WWC1: variants seen among roughly 807,000 people sequenced by gnomAD.
WWC1 encodes the protein WW and C2 domain containing 1, also known as protein KIBRA.
WWC1 carries 55 observed loss-of-function variants against 138.4 expected under a neutral mutation model. That is an observed-to-expected ratio of 0.40 (90% confidence interval 0.32 to 0.50). The LOEUF (loss-of-function observed/expected upper bound fraction) is 0.50, where lower values mean the gene tolerates loss of function less well. WWC1 is among the 20% of genes least tolerant of loss of function. The probability of loss-of-function intolerance (pLI) is 0.72; values close to 1 mark genes in which losing one functional copy is unlikely to be tolerated. For missense variants in WWC1, 1,226 were observed against 1,420.4 expected (o/e 0.86, Z 2.20); for synonymous variants, 524 against 564.9 (o/e 0.93, Z 1.03).
At chr5:168,461,911 C>T (rs1030282360) in intron 20 of WWC1, among the ~76,000 whole-genome samples, 8 of 152,030 alleles carry the variant, frequency 5.3e-5, no homozygotes, top group Non-Finnish European at 1.0e-4. Context: ...ACAAAATTAG[C>T]TGGGCGTGGT....
intron 17 of WWC1, among the ~76,000 whole-genome samples, chr5:168,451,861 T>C (rs2337219): frequency 6.7e-6 from 1 of 150,354 alleles, no homozygotes; most frequent in African/African-American, 2.4e-5. Context: ...CAGGGGAAAC[T>C]TAAAATGGCA....
At chr5:168,339,295 G>C (rs1022606012) in intron 1 of WWC1, among the ~76,000 whole-genome samples, 1 of 152,114 alleles carries the variant, frequency 6.6e-6, no homozygotes, top group Non-Finnish European at 1.5e-5. Flanking sequence ...TGAGGGTGGG[G>C]TTCTGGGACC....
At chr5:168,357,561 T>A (rs1775555571) in intron 1 of WWC1, among the ~76,000 whole-genome samples, 1 of 151,436 alleles carries the variant, frequency 6.6e-6, no homozygotes, top group Non-Finnish European at 1.5e-5. Flanking sequence ...CTTGAGAGGC[T>A]GAATGAACAA....
At chr5:168,314,001 G>A (rs918618788) in intron 1 of WWC1, among the ~76,000 whole-genome samples, 20 of 152,208 alleles carry the variant, frequency 1.3e-4, no homozygotes, top group African/African-American at 4.3e-4. Context: ...AAGGTCAGGT[G>A]CCAAAGGTCA....
At chr5:168,412,265 T>A in intron 8 of WWC1, 1 of 904,844 alleles carries the variant, frequency 1.1e-6, no homozygotes, top group Non-Finnish European at 1.3e-6. Context: ...CTCATTTTAG[T>A]GTAAAGGACA....
rs952512119 is a variant in WWC1, at chr5:168,291,837, G to A, written c.-316G>A. 1.3e-5 allele frequency: 2 copies of A among 148,540 alleles called. No homozygotes were observed. Among genetic ancestry groups the A allele is most frequent in the African/African-American group, 4.9e-5 (2 of 40,964 alleles). 9.2% of individuals were successfully genotyped at this position (148,540 alleles called of 1,614,324 possible). ...CGCGCGGCGGAGGAGGGCAGACGGCGGCGGCGGCGGCGCTCGGCTCGCTCT... is the reference window on the plus strand; with the variant it reads ...CGCGCGGCGGAGGAGGGCAGACGGCAGCGGCGGCGGCGCTCGGCTCGCTCT... On this transcript the variant is annotated 5_prime_UTR_variant, in exon 1 of 23. Transcript: ENST00000265293.
intron 1 of WWC1, among the ~76,000 whole-genome samples, chr5:168,358,265 G>T (rs1775611035): frequency 6.6e-6 from 1 of 152,198 alleles, no homozygotes; most frequent in Non-Finnish European, 1.5e-5. Flanking sequence ...CTGGAGGGAT[G>T]ACTTATTGTA....
intron 3 of WWC1, among the ~76,000 whole-genome samples, chr5:168,390,542 C>T (rs1778400546): frequency 6.6e-6 from 1 of 152,174 alleles, no homozygotes; most frequent in Non-Finnish European, 1.5e-5. Context: ...ACTGGGATTC[C>T]CCCAGCCCAA....
rs1233807550 is a variant in WWC1 at position 168,472,075 on chromosome 5, G to C, written c.*3058G>C. 1 of 152,230 alleles carries C rather than the reference G, an allele frequency of 6.6e-6. No homozygotes were observed. The highest frequency in any genetic ancestry group is 1.5e-5 in the Non-Finnish European group (1 of 68,068). The allele number at this position is 152,230 out of a possible 1,614,324, so 9.4% of individuals were successfully genotyped here. ...CTGTAAACGCCCTCCCTGTGTATAG[G>C]AAAAGCTACATGGAGCAAATCCTCC... On this transcript the variant is annotated 3_prime_UTR_variant, in exon 23 of 23. Transcript: ENST00000265293.
At chr5:168,335,980 C>T (rs530909955) in intron 1 of WWC1, among the ~76,000 whole-genome samples, 4 of 152,292 alleles carry the variant, frequency 2.6e-5, no homozygotes, top group South Asian at 4.1e-4. Context: ...CTCTGGTCCT[C>T]GTTTCCTCAT....
chr5:168,380,001 TA>T (rs1369658981), intron 2 of WWC1, among the ~76,000 whole-genome samples: 1 of 152,220 alleles, frequency 6.6e-6, no homozygotes, highest in African/African-American at 2.4e-5. Context: ...GAAAAATTAA[TA>T]AATTTGGTTT....
At chr5:168,296,435 C>T (rs965885824) in intron 1 of WWC1, among the ~76,000 whole-genome samples, 3 of 152,140 alleles carry the variant, frequency 2.0e-5, no homozygotes, top group African/African-American at 7.2e-5. Flanking sequence ...AAAGTCTAAA[C>T]CTCTGTCAGG....
At chr5:168,334,697 G>T (rs781564142) in intron 1 of WWC1, among the ~76,000 whole-genome samples, 2 of 152,232 alleles carry the variant, frequency 1.3e-5, no homozygotes, top group Non-Finnish European at 2.9e-5. Flanking sequence ...TGTATCCTCA[G>T]TGCCTGGCTC....
At chr5:168,317,249 G>T (rs185725766) in intron 1 of WWC1, among the ~76,000 whole-genome samples, 1 of 152,160 alleles carries the variant, frequency 6.6e-6, no homozygotes, top group African/African-American at 2.4e-5. Context: ...GGTATTTGGC[G>T]TGTTGATGTG....
intron 15 of WWC1, among the ~76,000 whole-genome samples, chr5:168,440,510 G>GTTGTT (rs537138164): frequency 9.2e-5 from 14 of 151,966 alleles, no homozygotes; most frequent in South Asian, 6.2e-4. Context: ...TGTTGTTGTT[G>GTTGTT]TTGTTTTGTT....
intron 1 of WWC1, among the ~76,000 whole-genome samples, chr5:168,318,412 C>T (rs1040885113): frequency 3.9e-5 from 6 of 152,110 alleles, no homozygotes; most frequent in Non-Finnish European, 8.8e-5. Context: ...TATTGTGCAA[C>T]CATCACCACC....
chr5:168,307,754 G>A (rs966332750), intron 1 of WWC1, among the ~76,000 whole-genome samples: 2 of 151,848 alleles, frequency 1.3e-5, no homozygotes, highest in African/African-American at 2.4e-5. Flanking sequence ...ACAGGTGCCT[G>A]CCACCACACC....
At chr5:168,365,088 T>A (rs1225278719) in intron 1 of WWC1, among the ~76,000 whole-genome samples, 1 of 152,228 alleles carries the variant, frequency 6.6e-6, no homozygotes, top group Non-Finnish European at 1.5e-5. Flanking sequence ...TTTCTTCCTG[T>A]TCATTCTGGC....
chr5:168,325,963 C>T (rs1048758007), intron 1 of WWC1, among the ~76,000 whole-genome samples: 1 of 152,166 alleles, frequency 6.6e-6, no homozygotes, highest in Non-Finnish European at 1.5e-5. Context: ...TAAGACTCAT[C>T]CATGTTGTAG....
Sources: allele counts gnomAD v4.1 joint callset (sites outside exome capture counted in the v4.1 genomes callset), GRCh38; gene constraint gnomAD v4.1.1; transcripts MANE v1.5; gene names NCBI Gene and HGNC (gene_info 2026-07-23, HGNC 2026-07-21).